The following DYNC2H1 variants were observed in gnomAD, a reference collection of about 807,000 sequenced individuals.
The protein encoded by DYNC2H1 is dynein cytoplasmic 2 heavy chain 1, also known as cytoplasmic dynein 2 heavy chain 1.
Under a neutral mutation model 570.0 loss-of-function variants are expected in DYNC2H1, and 410 were observed. The observed-to-expected ratio is 0.72, with a 90% CI of 0.66 to 0.78. DYNC2H1 has a LOEUF of 0.78. DYNC2H1 is among the 30% of genes least tolerant of loss of function. DYNC2H1 has a pLI of 0.00. For missense variants in DYNC2H1, 4,865 were observed against 5,046.4 expected (o/e 0.96, Z 1.09); for synonymous variants, 1,688 against 1,677.6 (o/e 1.01, Z -0.15).
rs182933583 is a variant in DYNC2H1 at position 103,469,034 on chromosome 11, T to C, written c.12765+329T>C. Among the ~76,000 whole-genome samples the C allele has an allele frequency of 4.6e-5, 7 of 152,344 alleles. No individual in the cohort carries two copies. The East Asian group carries it at 1.3e-3, about 29-fold the overall frequency. ...TCAGCAATGTGTGCTAGGTACTTTA[T>C]ATGCTTTACCTAAAATCCTCCTCAG... On this transcript the variant is annotated intron_variant, in intron 88 of 88. Coordinates refer to ENST00000375735, the MANE Select transcript of DYNC2H1 (RefSeq NM_001377.3).
chr11:103,362,338 T>C (rs975815516), intron 83 of DYNC2H1, among the ~76,000 whole-genome samples: 11 of 145,442 alleles, frequency 7.6e-5, no homozygotes, highest in Non-Finnish European at 1.2e-4. Flanking sequence ...TTTTTCTTTT[T>C]TTTTTTTTTT....
chr11:103,420,110 A>AC lies in DYNC2H1; in HGVS notation c.12367-15833_12367-15832insC, dbSNP rs1258028357. 2.6e-5 allele frequency among the ~76,000 whole-genome samples: 4 copies of AC among 152,208 alleles called. No homozygotes were observed. In the East Asian group the frequency reaches 7.7e-4, roughly 29 times the overall value. On this transcript the variant is annotated intron_variant, in intron 84 of 88. Coordinates refer to ENST00000375735, the MANE Select transcript of DYNC2H1 (RefSeq NM_001377.3). ...GAAAAAAGAATGGAAAGGAATGAAT[A>AC]AAACCTCCGAGAAATATGGGGCTAT...
Position 103,212,026 on chromosome 11 carries a change from G to A in DYNC2H1, c.8694+83G>A, listed in dbSNP as rs565967035. 7.0e-6 allele frequency: 9 copies of A among 1,287,196 alleles called. No homozygotes were observed. The South Asian group carries it at 1.5e-4, about 22-fold the overall frequency. 79.7% of individuals were successfully genotyped at this position (1,287,196 alleles called of 1,614,324 possible). A position where few individuals can be genotyped will look rare whatever the true frequency, so the allele number is the denominator to read the frequency against. ...AAATCACAATGCTATGTTGCGGGTG[G>A]CATATATCTGGTATTAATAAATGTA... On this transcript the variant is annotated intron_variant, in intron 54 of 88. Transcript: ENST00000375735.
chr11:103,281,896 G>A (rs1008044905), intron 71 of DYNC2H1, among the ~76,000 whole-genome samples: 2 of 151,964 alleles, frequency 1.3e-5, no homozygotes, highest in Admixed American at 6.6e-5. Flanking sequence ...AGTGACAAAT[G>A]TTAAGTGAAC....
intron 85 of DYNC2H1, among the ~76,000 whole-genome samples, chr11:103,454,715 T>A (rs1270696762): frequency 6.6e-6 from 1 of 152,196 alleles, no homozygotes; most frequent in East Asian, 1.9e-4. Flanking sequence ...GAGTTGATTA[T>A]TTAAAAACAC....
chr11:103,149,481 A>G (rs975407111), intron 20 of DYNC2H1, among the ~76,000 whole-genome samples: 1 of 152,232 alleles, frequency 6.6e-6, no homozygotes, highest in African/African-American at 2.4e-5. Flanking sequence ...ACTTAAAATT[A>G]TAAAGAGAGA....
At chr11:103,312,329 G>A (rs561746204) in intron 79 of DYNC2H1, among the ~76,000 whole-genome samples, 7 of 147,250 alleles carry the variant, frequency 4.8e-5, no homozygotes, top group African/African-American at 1.8e-4. Context: ...GTGGTGAGCC[G>A]AGATTGTGCC....
chr11:103,276,135 G>A, intron 70 of DYNC2H1, among the ~76,000 whole-genome samples: 1 of 151,746 alleles, frequency 6.6e-6, no homozygotes. Context: ...TTTTTACATG[G>A]TCACATGTTT....
intron 81 of DYNC2H1, 141 bp from the exon 82 acceptor site, chr11:103,323,745 A>G: frequency 1.6e-6 from 1 of 616,014 alleles, no homozygotes; most frequent in Non-Finnish European, 2.7e-6. Flanking sequence ...AACTGAGTTA[A>G]TATCATACAA....
rs1319623118 is a variant in DYNC2H1 at position 103,449,722 on chromosome 11, G to GAA, written c.12457-5462_12457-5461dup. Among the ~76,000 whole-genome samples, 6 of 152,166 alleles carry GAA rather than the reference G, an allele frequency of 3.9e-5. No homozygotes were observed. In the East Asian group the frequency reaches 1.2e-3, roughly 29 times the overall value. ...TTAATTAAAAAATAATGATCTTACT[G>GAA]AAAGCATGTTAGAGCCATAATTTTA... On this transcript the variant is annotated intron_variant, in intron 85 of 88. Transcript: ENST00000375735.
Position 103,311,836 on chromosome 11 carries a change from G to A in DYNC2H1, c.11494-42G>A, listed in dbSNP as rs374334263. On this transcript the variant is annotated intron_variant, in intron 78 of 88. Transcript: ENST00000375735. ...TGTTAAAATCTAATATATTTTACTT[G>A]TAGGATTTTAGCAATAGGATGTCTG... is the stretch of plus-strand genomic sequence containing the variant. 1.7e-5 allele frequency: 26 copies of A among 1,541,430 alleles called. No homozygotes were observed. The East Asian group carries it at 3.3e-4, about 20-fold the overall frequency.
chr11:103,424,771 T>TG (rs1348028111), intron 84 of DYNC2H1, among the ~76,000 whole-genome samples: 1 of 150,776 alleles, frequency 6.6e-6, no homozygotes, highest in African/African-American at 2.4e-5. Flanking sequence ...ATGGTACAAA[T>TG]GCTCCTGCCA....
intron 18 of DYNC2H1, among the ~76,000 whole-genome samples, chr11:103,147,194 T>C (rs1450596384): frequency 6.6e-6 from 1 of 152,198 alleles, no homozygotes; most frequent in African/African-American, 2.4e-5. Flanking sequence ...TTTACAAAGA[T>C]TGCATTGTTT....
intron 84 of DYNC2H1, among the ~76,000 whole-genome samples, chr11:103,435,464 G>A (rs1158588790): frequency 6.6e-6 from 1 of 152,006 alleles, no homozygotes; most frequent in Non-Finnish European, 1.5e-5. Flanking sequence ...TGTTCTTAGA[G>A]GGGTTTTATT....
intron 12 of DYNC2H1, among the ~76,000 whole-genome samples, chr11:103,128,097 A>T (rs1230958193): frequency 6.6e-6 from 1 of 152,222 alleles, no homozygotes. Context: ...TTCTAGAAGG[A>T]AGCCTCACTT....
rs532614860 is a variant in DYNC2H1, at chr11:103,171,504, C to G, written c.5334+436C>G. Among the ~76,000 whole-genome samples the G allele has an allele frequency of 2.6e-5, 4 of 152,148 alleles. No homozygotes were observed. In the South Asian group the frequency reaches 6.2e-4, roughly 24 times the overall value. ...CTCCTGACCTCAGGTGATCCACCCC[C>G]CTCGGCCTCCCAAAATGCTGGGATT... On this transcript the variant is annotated intron_variant, in intron 34 of 88. Transcript: ENST00000375735.
intron 36 of DYNC2H1, among the ~76,000 whole-genome samples, chr11:103,175,051 A>G (rs191566195): frequency 1.3e-5 from 2 of 152,222 alleles, no homozygotes; most frequent in East Asian, 1.9e-4. Context: ...ATTTAGCTCA[A>G]TACAGACTCA....
At position 103,209,949 on chromosome 11, in the gene DYNC2H1, A is replaced by C. The variant is rs1005411767; in HGVS notation, c.8528A>C (p.Lys2843Thr). The part of the protein sequence containing the change: ...YNDKKRKEEK[K>T]KNSVDPDFLK... ...GATAAAAAACGAAAAGAAGAAAAGA[A>C]AAAAAATTCAGGTAGTATTTTGATA... Residue 2843 changes from lysine to threonine, a missense_variant, in exon 53 of 89, where the codon AAA becomes ACA. Coordinates refer to ENST00000375735, the MANE Select transcript of DYNC2H1 (RefSeq NM_001377.3). The surrounding 1 kb of genome is among the most constrained non-coding windows in gnomAD (Gnocchi z 4.2). 6.7e-7 allele frequency: 1 copy of C among 1,491,296 alleles called. No homozygotes were observed. Among genetic ancestry groups the C allele is most frequent in the Admixed American group, 2.4e-5 (1 of 41,562 alleles). The allele number at this position is 1,491,296 out of a possible 1,614,324, so 92.4% of individuals were successfully genotyped here. A position where few individuals can be genotyped will look rare whatever the true frequency, so the allele number is the denominator to read the frequency against.
chr11:103,332,467 AAC>A (rs1162100565), intron 82 of DYNC2H1, among the ~76,000 whole-genome samples: 1 of 152,192 alleles, frequency 6.6e-6, no homozygotes, highest in East Asian at 1.9e-4. Context: ...TTAAAAAACA[AAC>A]ACACACAGGC....
Sources: allele counts gnomAD v4.1 joint callset (sites outside exome capture counted in the v4.1 genomes callset), GRCh38; gene constraint gnomAD v4.1.1; non-coding constraint Gnocchi (gnomAD v3.1); transcripts MANE v1.5; gene names NCBI Gene and HGNC (gene_info 2026-07-23, HGNC 2026-07-21).